ZNF273: variants seen among roughly 807,000 people sequenced by gnomAD.
ZNF273 encodes the protein zinc finger protein 273, also known as zinc finger protein 9.
In ZNF273, 11 loss-of-function variants were observed where a neutral mutation model predicts 14.9. The observed-to-expected ratio is 0.74, with a 90% CI of 0.46 to 1.22. ZNF273 has a LOEUF of 1.22. Among genes scored for constraint, ZNF273 ranks in the 50% most tolerant of loss-of-function variants. ZNF273 has a pLI of 0.00. For missense variants in ZNF273, 577 were observed against 660.6 expected (o/e 0.87, Z 1.39); for synonymous variants, 199 against 223.9 (o/e 0.89, Z 0.99).
chr7:64,889,661 G>A (rs1791848356), downstream of ZNF273: 1 of 985,476 alleles, frequency 1.0e-6, no homozygotes, highest in South Asian at 4.7e-5. This position sits in a 1 kb window ranked among gnomAD's most constrained non-coding sequence, Gnocchi z 4.2. Flanking sequence ...GTCTGTTCTG[G>A]AACCGTCGCC....
intron 1 of ZNF273, chr7:64,917,132 A>C (rs1227450043): frequency 2.4e-6 from 3 of 1,269,464 alleles, no homozygotes; most frequent in Non-Finnish European, 3.1e-6. Flanking sequence ...AGCTTGTTAA[A>C]AATTTGGAAA....
rs963304481 is a variant in ZNF273, at chr7:64,930,961, C to T, written c.*1923C>T. On this transcript the variant is annotated 3_prime_UTR_variant, in exon 4 of 4. Transcript: ENST00000476120. ...AAATTACAAAAGTATGAATAAAATACATACATTTCTGAGTCCTGAATATTT... is the reference window on the plus strand; with the variant it reads ...AAATTACAAAAGTATGAATAAAATATATACATTTCTGAGTCCTGAATATTT... 2 of 152,060 alleles carry T rather than the reference C, an allele frequency of 1.3e-5. No homozygotes were observed. Among genetic ancestry groups the T allele is most frequent in the Admixed American group, 6.5e-5 (1 of 15,272 alleles). 9.4% of individuals were successfully genotyped at this position (152,060 alleles called of 1,614,324 possible).
At chr7:64,923,752 A>G (rs1329265064) in intron 3 of ZNF273, 3 of 177,412 alleles carry the variant, frequency 1.7e-5, no homozygotes. Flanking sequence ...ATGGGTATGA[A>G]AATGACTCTT....
Position 64,929,208 on chromosome 7 carries a change from A to C in ZNF273, c.*170A>C. On this transcript the variant is annotated 3_prime_UTR_variant, in exon 4 of 4. Transcript: ENST00000476120. ...ATGGAAAAGTCATTAATATCTGCTC[A>C]TATCTTAACATCAGCGAGTTGGTAT... 1.5e-5 allele frequency: 7 copies of C among 466,196 alleles called. No homozygotes were observed. The highest frequency in any genetic ancestry group is 3.8e-5 in the Admixed American group (1 of 25,992). 28.9% of individuals were successfully genotyped at this position (466,196 alleles called of 1,614,324 possible).
intron 3 of ZNF273, 57 bp from the exon 4 acceptor site, chr7:64,927,597 A>G: frequency 7.0e-7 from 1 of 1,422,288 alleles, no homozygotes; most frequent in Middle Eastern, 1.8e-4. Context: ...TTAGATTTGT[A>G]AAGTATATTC....
chr7:64,908,386 C>T (rs1793261010), intron 1 of ZNF273, among the ~76,000 whole-genome samples: 1 of 152,154 alleles, frequency 6.6e-6, no homozygotes, highest in African/African-American at 2.4e-5. Flanking sequence ...TTTTTCTGAT[C>T]CTCTTTGTCC....
At chr7:64,920,784 G>A (rs986628052) in intron 3 of ZNF273, among the ~76,000 whole-genome samples, 1 of 151,900 alleles carries the variant, frequency 6.6e-6, no homozygotes, top group Non-Finnish European at 1.5e-5. Flanking sequence ...TGAAGATGGG[G>A]TGTTGCTGCA....
chr7:64,908,113 C>T (rs1467281259), intron 1 of ZNF273, among the ~76,000 whole-genome samples: 1 of 152,222 alleles, frequency 6.6e-6, no homozygotes, highest in East Asian at 1.9e-4. Context: ...AACCTGCTTC[C>T]TCTACCAACC....
At chr7:64,892,890 T>A (rs115686645), downstream of ZNF273, among the ~76,000 whole-genome samples, 2 of 152,158 alleles carry the variant, frequency 1.3e-5, no homozygotes, top group Non-Finnish European at 1.5e-5. Context: ...TGTAAGTGGG[T>A]CTTAAGTGGG....
chr7:64,895,716 G>A (rs1792327400), intron 3 of ZNF273, among the ~76,000 whole-genome samples: 1 of 152,138 alleles, frequency 6.6e-6, no homozygotes, highest in South Asian at 2.1e-4. Flanking sequence ...CTCTAATGAG[G>A]TTATAAATAC....
At chr7:64,892,119 G>A (rs34864313), downstream of ZNF273, among the ~76,000 whole-genome samples, 4,881 of 152,280 alleles carry the variant, frequency 0.032, 248 homozygotes, top group East Asian at 0.26. Flanking sequence ...TTTCCTTCCA[G>A]TGAAAAGAAA....
chr7:64,887,831 T>C (rs1791690946), intron 1 of ZNF273, among the ~76,000 whole-genome samples: 1 of 151,604 alleles, frequency 6.6e-6, no homozygotes, highest in African/African-American at 2.4e-5. Flanking sequence ...TTCAGGGCTC[T>C]GACTCTGAGC....
Position 64,927,920 on chromosome 7 carries a change from A to G in ZNF273, c.592A>G (p.Lys198Glu). Residue 198 changes from lysine to glutamate, a missense_variant, in exon 4 of 4, where the codon AAA becomes GAA. Around this residue, in one of 3 missense-constraint regions of ZNF273, gnomAD observed 411 missense variants for 440.4 expected, o/e 0.93. Transcript: ENST00000476120. ...ATTCTCAAATTCAAATATACATAAG[A>G]AAAGACAAACTGGAAAGAAACCTTT... ...HKFSNSNIHK[K>E]RQTGKKPFKC... The G allele has an allele frequency of 6.2e-7, 1 of 1,613,526 alleles. No individual in the cohort carries two copies.
downstream of ZNF273, among the ~76,000 whole-genome samples, chr7:64,931,841 G>A (rs1794997529): frequency 2.0e-5 from 3 of 152,296 alleles, no homozygotes; most frequent in South Asian, 6.2e-4. Context: ...TGGTGAAACA[G>A]TAACATTGAT....
upstream of ZNF273, among the ~76,000 whole-genome samples, chr7:64,899,704 TG>T (rs1792568222): frequency 6.6e-6 from 1 of 151,822 alleles, no homozygotes; most frequent in Non-Finnish European, 1.5e-5. Context: ...AGTTCAGTAT[TG>T]TAGTACAGTA....
At chr7:64,919,831 T>A (rs1032330735) in intron 3 of ZNF273, among the ~76,000 whole-genome samples, 5 of 152,108 alleles carry the variant, frequency 3.3e-5, no homozygotes, top group African/African-American at 1.2e-4. Context: ...CTAGTTGTGG[T>A]TTTTAAAAGA....
At chr7:64,885,934 C>A (rs534472002) in intron 1 of ZNF273, among the ~76,000 whole-genome samples, 2 of 152,208 alleles carry the variant, frequency 1.3e-5, no homozygotes, top group South Asian at 4.1e-4. Flanking sequence ...GGGCTAAGAT[C>A]TTGGTTTAAA....
chr7:64,878,333 T>C (rs772171446), intron 1 of ZNF273: 1 of 152,248 alleles, frequency 6.6e-6, no homozygotes, highest in Non-Finnish European at 1.5e-5. Context: ...CAAGGCCCCA[T>C]TGTCCTAAGG....
upstream of ZNF273, among the ~76,000 whole-genome samples, chr7:64,899,404 C>T (rs370976584): frequency 2.0e-5 from 3 of 152,296 alleles, no homozygotes; most frequent in East Asian, 3.9e-4. Flanking sequence ...CCTGTAATCC[C>T]GACATTTTGG....
Sources: allele counts gnomAD v4.1 joint callset (sites outside exome capture counted in the v4.1 genomes callset), GRCh38; gene constraint gnomAD v4.1.1; regional missense constraint gnomAD v4.1.1; non-coding constraint Gnocchi (gnomAD v3.1); transcripts MANE v1.5; gene names NCBI Gene and HGNC (gene_info 2026-07-23, HGNC 2026-07-21).